The following NAALAD2 variants were observed in gnomAD, a reference collection of about 807,000 sequenced individuals.
NAALAD2 encodes the protein N-acetylated alpha-linked acidic dipeptidase 2, also known as N-acetylated-alpha-linked acidic dipeptidase 2.
In NAALAD2, 89 loss-of-function variants were observed where a neutral mutation model predicts 95.6. That is an observed-to-expected ratio of 0.93 (90% CI 0.78 to 1.11). The LOEUF (loss-of-function observed/expected upper bound fraction) is 1.11. Among genes scored for constraint, NAALAD2 ranks in the 50% least tolerant of loss-of-function variants. The pLI is 0.00. For missense variants in NAALAD2, 894 were observed against 872.4 expected, an observed-to-expected ratio of 1.02 and a Z score of -0.31; for synonymous variants, 264 against 294.4, an observed-to-expected ratio of 0.90 and a Z score of 1.06.
intron 18 of NAALAD2, 34 bp downstream of exon 18, chr11:90,183,042 T>C: frequency 6.6e-7 from 1 of 1,515,384 alleles, no homozygotes; most frequent in Non-Finnish European, 9.2e-7. Flanking sequence ...TACATCACTG[T>C]GACCAAAACC....
chr11:90,159,299 T>C lies in NAALAD2; in HGVS notation c.951T>C (p.Tyr317=), dbSNP rs200486934. The C allele has an allele frequency of 9.9e-6, 16 of 1,613,894 alleles. No individual in the cohort carries two copies. Among genetic ancestry groups the C allele is most frequent in the Non-Finnish European group, 1.2e-5 (14 of 1,179,848 alleles). Residue 317 remains tyrosine, a synonymous_variant, in exon 8 of 19, where the codon TAT becomes TAC. Coordinates refer to ENST00000534061, the MANE Select transcript of NAALAD2 (RefSeq NM_005467.4). ...GGAAGGGAGCCCTTAATGTGAGTTATAGTATCGGACCTGGCTTTACAGGGA... is the reference window on the plus strand; with the variant it reads ...GGAAGGGAGCCCTTAATGTGAGTTACAGTATCGGACCTGGCTTTACAGGGA... The part of the protein sequence containing the change: ...KSWKGALNVS[Y]SIGPGFTGSD...
chr11:90,169,785 G>A (rs1952580794), intron 12 of NAALAD2: 1 of 345,676 alleles, frequency 2.9e-6, no homozygotes, highest in Admixed American at 4.5e-5. Flanking sequence ...CTTTGCCAAA[G>A]TGCCCCTAAG....
upstream of NAALAD2, chr11:90,131,811 G>A (rs1364665959): frequency 6.6e-6 from 1 of 152,160 alleles, no homozygotes; most frequent in Admixed American, 6.5e-5. Flanking sequence ...CTTAAATGGA[G>A]GAAGTGGTGA....
At chr11:90,151,051 A>G (rs1222833410) in intron 5 of NAALAD2, among the ~76,000 whole-genome samples, 3 of 151,930 alleles carry the variant, frequency 2.0e-5, no homozygotes, top group Non-Finnish European at 4.4e-5. Context: ...TCATTCAGCC[A>G]TGACTCATAT....
chr11:90,181,592 CTCT>C (rs781638374), intron 16 of NAALAD2, 25 bp from the exon 17 acceptor site: 226 of 1,478,134 alleles, frequency 1.5e-4, no homozygotes, highest in South Asian at 3.6e-4. Flanking sequence ...GAGCTAATTT[CTCT>C]TCTTCTTTTC....
chr11:90,179,745 A>G (rs1394606164), intron 16 of NAALAD2, among the ~76,000 whole-genome samples: 2 of 151,240 alleles, frequency 1.3e-5, no homozygotes, highest in Admixed American at 6.6e-5. Flanking sequence ...ATCAGTTTTT[A>G]TAAGTCAGGG....
chr11:90,155,517 T>G (rs1952065842), intron 6 of NAALAD2, among the ~76,000 whole-genome samples: 2 of 113,560 alleles, frequency 1.8e-5, no homozygotes, highest in African/African-American at 7.1e-5. Flanking sequence ...TTATATATAA[T>G]TACATATTAT....
chr11:90,190,790 A>G (rs1857299930), intron 18 of NAALAD2, among the ~76,000 whole-genome samples: 1 of 152,106 alleles, frequency 6.6e-6, no homozygotes, highest in South Asian at 2.1e-4. Flanking sequence ...TTAATCATTA[A>G]TACTGACTTA....
chr11:90,158,065 A>C (rs898175228), intron 6 of NAALAD2, 80 bp from the exon 7 acceptor site: 3 of 1,069,436 alleles, frequency 2.8e-6, no homozygotes, highest in African/African-American at 3.2e-5. Flanking sequence ...GCAAATCTGC[A>C]ACGGTTATGC....
chr11:90,168,898 G>A, intron 11 of NAALAD2, 31 bp from the exon 12 acceptor site: 4 of 1,550,108 alleles, frequency 2.6e-6, no homozygotes, highest in East Asian at 4.6e-5. Context: ...TAAGTAATGT[G>A]AATTAAGTAA....
chr11:90,163,084 G>T, intron 9 of NAALAD2, 50 bp downstream of exon 9: 1 of 1,379,792 alleles, frequency 7.2e-7, no homozygotes, highest in South Asian at 1.3e-5. Flanking sequence ...AAATTAAAGG[G>T]TAAGTAAAGA....
intron 2 of NAALAD2, among the ~76,000 whole-genome samples, chr11:90,137,751 G>A (rs1454284726): frequency 1.3e-5 from 2 of 152,028 alleles, no homozygotes; most frequent in Admixed American, 6.5e-5. Context: ...CTACAGACAT[G>A]CATCACCACA....
Position 90,147,482 on chromosome 11 carries a change from A to G in NAALAD2, c.347A>G (p.Asn116Ser). The G allele has an allele frequency of 6.2e-7, 1 of 1,612,444 alleles. No individual in the cohort carries two copies. Among genetic ancestry groups the G allele is most frequent in the Non-Finnish European group, 8.5e-7 (1 of 1,179,362 alleles). Residue 116 changes from asparagine to serine, a missense_variant, in exon 3 of 19, where the codon AAC becomes AGC. Asn to Ser is a conservative substitution (Grantham distance 46). Coordinates refer to ENST00000534061, the MANE Select transcript of NAALAD2 (RefSeq NM_005467.4). ...TCTTACCCCAATGAGACAAATGCCA[A>G]CTATATATCGATTGTGGATGAACAT... ...LLSYPNETNA[N>S]YISIVDEHET...
chr11:90,185,049 T>C (rs1288220934), intron 18 of NAALAD2, among the ~76,000 whole-genome samples: 1 of 152,086 alleles, frequency 6.6e-6, no homozygotes. Context: ...AGCCATTTTA[T>C]ATAAGGGAGT....
chr11:90,149,819 C>T (rs1345429235), intron 4 of NAALAD2, among the ~76,000 whole-genome samples: 1 of 152,100 alleles, frequency 6.6e-6, no homozygotes, highest in African/African-American at 2.4e-5. Context: ...TTTTATAGAT[C>T]ATACCATAGA....
chr11:90,154,914 GTA>G (rs1952002884), intron 6 of NAALAD2, among the ~76,000 whole-genome samples: 4 of 61,020 alleles, frequency 6.6e-5, no homozygotes, highest in African/African-American at 3.7e-4. Flanking sequence ...GTATACATAT[GTA>G]TATATTATAT....
chr11:90,184,577 T>A (rs1857067692), intron 18 of NAALAD2, among the ~76,000 whole-genome samples: 1 of 151,910 alleles, frequency 6.6e-6, no homozygotes, highest in Non-Finnish European at 1.5e-5. Context: ...TATTAGTCTA[T>A]CTTTATATAT....
chr11:90,145,860 A>G (rs957050882), intron 2 of NAALAD2, among the ~76,000 whole-genome samples: 5 of 152,214 alleles, frequency 3.3e-5, no homozygotes, highest in African/African-American at 1.2e-4. Context: ...GGAATTTATA[A>G]GAGAGTGATG....
chr11:90,170,829 A>G (rs1426535969), intron 13 of NAALAD2, among the ~76,000 whole-genome samples: 1 of 152,178 alleles, frequency 6.6e-6, no homozygotes, highest in African/African-American at 2.4e-5. Flanking sequence ...GTGGAGGTTT[A>G]AAAGAACGTA....
Sources: allele counts gnomAD v4.1 joint callset (sites outside exome capture counted in the v4.1 genomes callset), GRCh38; gene constraint gnomAD v4.1.1; transcripts MANE v1.5; gene names NCBI Gene and HGNC (gene_info 2026-07-23, HGNC 2026-07-21).